TVP23A: variants seen among roughly 807,000 people sequenced by gnomAD.
TVP23A encodes the protein Golgi apparatus membrane protein TVP23 homolog A.
In TVP23A, 21 loss-of-function variants were observed where a neutral mutation model predicts 31.7. The ratio of observed to expected loss-of-function variants is 0.66; its 90% CI spans 0.47 to 0.95. TVP23A has a LOEUF of 0.95. Ranked by LOEUF, TVP23A falls within the 40% of genes least tolerant of loss-of-function variation. The pLI, the probability that TVP23A is intolerant of heterozygous loss-of-function variation, is 0.00. For missense variants in TVP23A, 279 were observed against 255.6 expected (o/e 1.09, Z -0.62); for synonymous variants, 104 against 96.0 (o/e 1.08, Z -0.49).
Position 10,768,011 on chromosome 16 carries a change from G to A in TVP23A, c.*1091C>T. 6.2e-7 allele frequency: 1 copy of A among 1,614,056 alleles called. No individual in the cohort carries two copies. Among genetic ancestry groups the A allele is most frequent in the Non-Finnish European group, 8.5e-7 (1 of 1,179,990 alleles). On this transcript the variant is annotated 3_prime_UTR_variant, in exon 8 of 8. Transcript: ENST00000299866. This position sits in a 1 kb window ranked among gnomAD's most constrained non-coding sequence, Gnocchi z 4.3. ...CGCCCCAGATTCCCCAGCCACGTTA[G>A]CCTACAGAAGTATAATTCAGAGTAA...
intron 2 of TVP23A, among the ~76,000 whole-genome samples, chr16:10,784,389 G>GAA (rs886378352): frequency 3.9e-5 from 5 of 129,096 alleles, no homozygotes; most frequent in African/African-American, 1.4e-4. Flanking sequence ...ACCAAAAAAA[G>GAA]AAAAAAAAAA....
intron 2 of TVP23A, among the ~76,000 whole-genome samples, chr16:10,775,992 G>C (rs914922966): frequency 6.6e-5 from 10 of 151,236 alleles, no homozygotes; most frequent in Admixed American, 5.9e-4. Context: ...CAGGTGATCT[G>C]TCCACTTTGG....
intron 2 of TVP23A, among the ~76,000 whole-genome samples, chr16:10,811,145 G>A (rs867857475): frequency 3.2e-4 from 48 of 152,278 alleles, no homozygotes; most frequent in African/African-American, 7.9e-4. Flanking sequence ...CCCATTTGGC[G>A]CAGTGAAAAA....
At chr16:10,762,084 G>C, downstream of TVP23A, 2 of 475,936 alleles carry the variant, frequency 4.2e-6, no homozygotes, top group Non-Finnish European at 7.6e-6. Context: ...AGGCAGAGGG[G>C]TGAGGCCTGG....
rs2034531353 is a variant in TVP23A at position 10,818,293 on chromosome 16, G to A, written c.10-111C>T. On this transcript the variant is annotated intron_variant, in intron 1 of 7. Coordinates refer to ENST00000299866, the MANE Select transcript of TVP23A (RefSeq NM_001079512.4). This position sits in a 1 kb window ranked among gnomAD's most constrained non-coding sequence, Gnocchi z 4.7. ...CACTTGCACCCCACCGGGTTCCCAA[G>A]TGGACCCTCCGAGCTGGCGGGGCCC... 1.7e-6 allele frequency: 2 copies of A among 1,151,100 alleles called. No individual in the cohort carries two copies. Among genetic ancestry groups the A allele is most frequent in the African/African-American group, 1.6e-5 (1 of 62,906 alleles). The allele number at this position is 1,151,100 out of a possible 1,614,324, so 71.3% of individuals were successfully genotyped here.
chr16:10,761,871 C>T, downstream of TVP23A: 1 of 1,603,390 alleles, frequency 6.2e-7, no homozygotes, highest in South Asian at 1.1e-5. Context: ...TGGGTGACCC[C>T]AGTGTGGGGC....
intron 7 of TVP23A, 145 bp downstream of exon 7, chr16:10,770,127 C>G: frequency 9.7e-7 from 1 of 1,028,150 alleles, no homozygotes; most frequent in Non-Finnish European, 1.4e-6. Context: ...GGCCCATTGC[C>G]CAGTCTGCTT....
chr16:10,792,416 T>A (rs2033155620), intron 2 of TVP23A, among the ~76,000 whole-genome samples: 1 of 152,152 alleles, frequency 6.6e-6, no homozygotes, highest in African/African-American at 2.4e-5. Context: ...CACTTCTCCA[T>A]CCACTAGTTC....
chr16:10,786,237 T>G (rs2032744385), intron 2 of TVP23A, among the ~76,000 whole-genome samples: 1 of 152,132 alleles, frequency 6.6e-6, no homozygotes, highest in South Asian at 2.1e-4. Flanking sequence ...CAGGGGAAGG[T>G]GAGTTCATCC....
At chr16:10,805,470 T>A (rs1300993522) in intron 2 of TVP23A, among the ~76,000 whole-genome samples, 1 of 151,202 alleles carries the variant, frequency 6.6e-6, no homozygotes, top group Non-Finnish European at 1.5e-5. Flanking sequence ...TATCTTAAAG[T>A]CCAGGGGAGA....
At chr16:10,759,800 G>A (rs1900817688), downstream of TVP23A, among the ~76,000 whole-genome samples, 1 of 152,092 alleles carries the variant, frequency 6.6e-6, no homozygotes, top group Non-Finnish European at 1.5e-5. The surrounding 1 kb of genome is among the most constrained non-coding windows in gnomAD (Gnocchi z 4.7). Context: ...AGAAATGAGA[G>A]ACTGAGTCGC....
intron 5 of TVP23A, among the ~76,000 whole-genome samples, chr16:10,773,060 C>G (rs1464313015): frequency 2.0e-5 from 3 of 152,158 alleles, no homozygotes; most frequent in African/African-American, 7.2e-5. Context: ...CCAGGCTGGT[C>G]TCGAACTCCT....
At chr16:10,784,783 G>T (rs780089465) in intron 2 of TVP23A, among the ~76,000 whole-genome samples, 1 of 152,174 alleles carries the variant, frequency 6.6e-6, no homozygotes, top group South Asian at 2.1e-4. Flanking sequence ...CTCAAACTTT[G>T]CTACAAAACT....
At chr16:10,812,942 G>A (rs552597586) in intron 2 of TVP23A, among the ~76,000 whole-genome samples, 20 of 151,774 alleles carry the variant, frequency 1.3e-4, no homozygotes, top group African/African-American at 3.9e-4. Context: ...TTTGCCCACC[G>A]GGGAAAAACA....
intron 2 of TVP23A, among the ~76,000 whole-genome samples, chr16:10,807,147 A>G (rs1362632713): frequency 6.6e-6 from 1 of 152,216 alleles, no homozygotes; most frequent in Non-Finnish European, 1.5e-5. Flanking sequence ...GTCCTCACTC[A>G]TTGAGGTGAG....
intron 2 of TVP23A, among the ~76,000 whole-genome samples, chr16:10,781,947 C>T (rs890359111): frequency 6.0e-5 from 9 of 149,012 alleles, no homozygotes; most frequent in African/African-American, 2.2e-4. Flanking sequence ...CTGCAGCCTC[C>T]GCCTCCCGGG....
chr16:10,801,022 C>G (rs1485302508), intron 2 of TVP23A, among the ~76,000 whole-genome samples: 1 of 152,086 alleles, frequency 6.6e-6, no homozygotes. Flanking sequence ...AAACAGTATT[C>G]CTGCTTTTTG....
intron 2 of TVP23A, among the ~76,000 whole-genome samples, chr16:10,813,077 T>C (rs1399464310): frequency 1.3e-5 from 2 of 152,142 alleles, no homozygotes; most frequent in Non-Finnish European, 2.9e-5. Flanking sequence ...CTCACTGACC[T>C]GGAACCAGGG....
downstream of TVP23A, chr16:10,761,856 A>G: frequency 6.2e-7 from 1 of 1,613,028 alleles, no homozygotes. Context: ...GGATCCGCTC[A>G]TAGGTGGGTG....
Sources: gnomAD v4.1 joint callset for allele counts (sites outside exome capture counted in the v4.1 genomes callset) on GRCh38, gnomAD v4.1.1 for gene constraint, Gnocchi (gnomAD v3.1) non-coding constraint, MANE v1.5 for transcripts, NCBI Gene and HGNC (gene_info 2026-07-23, HGNC 2026-07-21) for gene names.